Variants in KCTD16 observed in about 807,000 individuals in gnomAD.
KCTD16 encodes potassium channel tetramerization domain containing 16.
In KCTD16, 13 loss-of-function variants were observed where a neutral mutation model predicts 33.2. That is an observed-to-expected ratio of 0.39 (90% CI 0.25 to 0.62). The LOEUF (loss-of-function observed/expected upper bound fraction) is 0.62, where lower values mean the gene tolerates loss of function less well. Among genes scored for constraint, KCTD16 ranks in the 20% least tolerant of loss-of-function variants. The pLI, the probability that KCTD16 is intolerant of heterozygous loss-of-function variation, is 0.50. For missense variants in KCTD16, 441 were observed against 525.1 expected (o/e 0.84, Z 1.57); for synonymous variants, 197 against 195.3 (o/e 1.01, Z -0.07).
In KCTD16 at chr5:144,436,105, G is replaced by T. The variant is rs189782032; in HGVS notation, c.833-37555G>T. Among the ~76,000 whole-genome samples, 186 of 152,282 alleles carry T rather than the reference G, an allele frequency of 1.2e-3. 1 individual carries two copies. Among genetic ancestry groups the T allele is most frequent in the South Asian group, 4.3e-3 (21 of 4,830 alleles). On this transcript the variant is annotated intron_variant, in intron 3 of 3. Coordinates refer to ENST00000512467, the MANE Select transcript of KCTD16 (RefSeq NM_020768.4). ...GGAACCACTTTAGTTTTAACTAGGTGACCTGTTGTGCAGATGTGACTACAA... is the reference window on the plus strand; with the variant it reads ...GGAACCACTTTAGTTTTAACTAGGTTACCTGTTGTGCAGATGTGACTACAA...
chr5:144,465,801 T>TTG (rs1754318305), intron 3 of KCTD16, among the ~76,000 whole-genome samples: 1 of 150,946 alleles, frequency 6.6e-6, no homozygotes, highest in Admixed American at 6.6e-5. Flanking sequence ...TTTTTTTTTT[T>TTG]GCCAGGAGGA....
At chr5:144,214,328 C>G (rs1042918446) in intron 3 of KCTD16, among the ~76,000 whole-genome samples, 1 of 152,088 alleles carries the variant, frequency 6.6e-6, no homozygotes. Flanking sequence ...CTCCCCCTCC[C>G]GCATCCAGTA....
At chr5:144,187,166 A>C (rs1752744015) in intron 2 of KCTD16, among the ~76,000 whole-genome samples, 1 of 151,880 alleles carries the variant, frequency 6.6e-6, no homozygotes, top group Non-Finnish European at 1.5e-5. Flanking sequence ...TATTTCTTAG[A>C]CTCATTTTTT....
chr5:144,416,194 A>G (rs1466656211), intron 3 of KCTD16, among the ~76,000 whole-genome samples: 1 of 152,200 alleles, frequency 6.6e-6, no homozygotes, highest in African/African-American at 2.4e-5. Flanking sequence ...TGTACAAGTA[A>G]TAGGCAGAAC....
chr5:144,404,453 A>G (rs546278745), intron 3 of KCTD16, among the ~76,000 whole-genome samples: 2 of 152,336 alleles, frequency 1.3e-5, no homozygotes, highest in African/African-American at 4.8e-5. Context: ...AGAAAGATGT[A>G]TATGACTTGG....
chr5:144,226,291 C>T (rs1753928462), intron 3 of KCTD16, among the ~76,000 whole-genome samples: 1 of 152,118 alleles, frequency 6.6e-6, no homozygotes, highest in Admixed American at 6.5e-5. Flanking sequence ...AAGATTCTTA[C>T]CAAAGATCAT....
intron 3 of KCTD16, among the ~76,000 whole-genome samples, chr5:144,423,745 A>C (rs984332876): frequency 6.6e-6 from 1 of 152,196 alleles, no homozygotes; most frequent in African/African-American, 2.4e-5. Flanking sequence ...AATTCTACAG[A>C]TTAAATGAAC....
At position 144,473,787 on chromosome 5, in the gene KCTD16, G is replaced by A. The variant is rs375766879; in HGVS notation, c.960G>A (p.Glu320=). ...CATCTAGCTGCGACAGCCAGTCTGA[G>A]GCCAGCTCTCCCCAGGAGACGGTCA... The part of the protein sequence containing the change: ...LSTSSCDSQS[E]ASSPQETVIC... Residue 320 remains glutamate, a synonymous_variant, in exon 4 of 4, where the codon GAG becomes GAA. Transcript: ENST00000512467. The A allele has an allele frequency of 1.5e-5, 25 of 1,613,974 alleles. No homozygotes were observed. Among genetic ancestry groups the A allele is most frequent in the Non-Finnish European group, 2.0e-5 (24 of 1,180,000 alleles).
intron 3 of KCTD16, among the ~76,000 whole-genome samples, chr5:144,354,898 A>G (rs1580896827): frequency 6.6e-6 from 1 of 152,224 alleles, no homozygotes; most frequent in East Asian, 1.9e-4. Context: ...CATTAATAAT[A>G]GGTAACATTT....
chr5:144,262,942 A>G (rs13154565), intron 3 of KCTD16, among the ~76,000 whole-genome samples: 36,519 of 152,104 alleles, frequency 0.24, 4,565 homozygotes, highest in Non-Finnish European at 0.28. Context: ...GGTCCAGAGT[A>G]GGTGCTGGTG....
chr5:144,397,572 C>T (rs1752603306), intron 3 of KCTD16, among the ~76,000 whole-genome samples: 1 of 152,186 alleles, frequency 6.6e-6, no homozygotes, highest in Non-Finnish European at 1.5e-5. Flanking sequence ...TATTTCTCCA[C>T]ATCCTCTCCA....
chr5:144,205,321 A>G (rs925915083), intron 2 of KCTD16: 2 of 382,658 alleles, frequency 5.2e-6, no homozygotes, highest in Non-Finnish European at 9.2e-6. Flanking sequence ...TCTCCAAGCC[A>G]TATTCCTTTA....
intron 3 of KCTD16, among the ~76,000 whole-genome samples, chr5:144,467,739 T>G (rs1019743226): frequency 1.3e-5 from 2 of 152,122 alleles, no homozygotes; most frequent in African/African-American, 4.8e-5. Context: ...TTTCCTAGCT[T>G]GTGCAGTAGA....
intron 3 of KCTD16, among the ~76,000 whole-genome samples, chr5:144,330,222 G>A (rs576991637): frequency 1.3e-5 from 2 of 151,930 alleles, no homozygotes; most frequent in East Asian, 1.9e-4. Flanking sequence ...AGACCAGCCC[G>A]ACCAATATGG....
At chr5:144,432,523 AAC>A (rs1030852553) in intron 3 of KCTD16, among the ~76,000 whole-genome samples, 1 of 152,146 alleles carries the variant, frequency 6.6e-6, no homozygotes. Context: ...ATCTTTGAAA[AAC>A]ACTTTATATA....
chr5:144,221,666 T>C (rs571355079), intron 3 of KCTD16, among the ~76,000 whole-genome samples: 35 of 152,314 alleles, frequency 2.3e-4, no homozygotes, highest in Non-Finnish European at 4.1e-4. Flanking sequence ...CAGTCTATTA[T>C]TGATGGGCAT....
intron 3 of KCTD16, among the ~76,000 whole-genome samples, chr5:144,221,285 T>A (rs1248406998): frequency 6.6e-6 from 1 of 152,216 alleles, no homozygotes; most frequent in Non-Finnish European, 1.5e-5. Context: ...ATTATTATTA[T>A]ACTTTAAGTT....
At chr5:144,255,104 A>G (rs1166161003) in intron 3 of KCTD16, among the ~76,000 whole-genome samples, 4 of 152,150 alleles carry the variant, frequency 2.6e-5, no homozygotes, top group Non-Finnish European at 4.4e-5. Flanking sequence ...CATGTGGCAT[A>G]ATGTCCTCAA....
intron 3 of KCTD16, among the ~76,000 whole-genome samples, chr5:144,417,221 T>C (rs1405461333): frequency 6.6e-6 from 1 of 152,200 alleles, no homozygotes; most frequent in Non-Finnish European, 1.5e-5. Context: ...AATATTTCTA[T>C]TTCTCATCAC....
Sources: gnomAD v4.1 joint callset for allele counts (sites outside exome capture counted in the v4.1 genomes callset) on GRCh38, gnomAD v4.1.1 for gene constraint, MANE v1.5 for transcripts, NCBI Gene and HGNC (gene_info 2026-07-23, HGNC 2026-07-21) for gene names.